ARHGAP6: variants seen among roughly 807,000 people sequenced by gnomAD.
ARHGAP6 encodes the protein Rho GTPase activating protein 6.
A neutral mutation model predicts 55.7 loss-of-function variants in ARHGAP6; 16 were observed. The observed-to-expected ratio is 0.29, with a 90% confidence interval of 0.19 to 0.44. The LOEUF (loss-of-function observed/expected upper bound fraction) is 0.44, where lower values mean the gene tolerates loss of function less well. Ranked by LOEUF, ARHGAP6 falls within the 20% of genes least tolerant of loss-of-function variation. The pLI, the probability that ARHGAP6 is intolerant of heterozygous loss-of-function variation, is 1.00. For missense variants in ARHGAP6, 698 were observed against 808.9 expected (o/e 0.86, Z 1.66); for synonymous variants, 382 against 360.9 (o/e 1.06, Z -0.66).
intron 2 of ARHGAP6, among the ~76,000 whole-genome samples, chrX:11,207,374 G>T: frequency 9.0e-6 from 1 of 111,661 alleles, no homozygotes; most frequent in Non-Finnish European, 1.9e-5. Context: ...TGTTGTCCAT[G>T]AAACTTGGTG....
At chrX:11,239,584 G>A (rs2047247169) in intron 2 of ARHGAP6, among the ~76,000 whole-genome samples, 1 of 111,578 alleles carries the variant, frequency 9.0e-6, no homozygotes, top group Non-Finnish European at 1.9e-5. Context: ...TTGTTTTTAT[G>A]GGGCTGGTGA....
At chrX:11,190,633 A>G (rs2046446108) in intron 3 of ARHGAP6, among the ~76,000 whole-genome samples, 1 of 110,156 alleles carries the variant, frequency 9.1e-6, no homozygotes, top group Non-Finnish European at 1.9e-5. Flanking sequence ...GCTACATGAA[A>G]TAACAGAAAC....
chrX:11,522,483 C>T (rs756366133), intron 1 of ARHGAP6, among the ~76,000 whole-genome samples: 145 of 110,407 alleles, frequency 1.3e-3, no homozygotes, highest in African/African-American at 4.4e-3. Flanking sequence ...ATCGATAGAC[C>T]GCTAGCAAGA....
intron 1 of ARHGAP6, among the ~76,000 whole-genome samples, chrX:11,305,940 T>C (rs2048233340): frequency 8.9e-6 from 1 of 111,990 alleles, no homozygotes; most frequent in African/African-American, 3.3e-5. Context: ...GCTGAGAATA[T>C]CTGACAGACC....
intron 1 of ARHGAP6, among the ~76,000 whole-genome samples, chrX:11,638,824 A>G (rs1464450358): frequency 8.9e-6 from 1 of 112,378 alleles, no homozygotes; most frequent in African/African-American, 3.2e-5. Context: ...TTTTTAAATA[A>G]GTGTATTCAC....
At chrX:11,213,056 A>T (rs1255009517) in intron 2 of ARHGAP6, among the ~76,000 whole-genome samples, 1 of 112,557 alleles carries the variant, frequency 8.9e-6, no homozygotes, top group African/African-American at 3.2e-5. Context: ...TGTTCCCACA[A>T]TATTCCAGCT....
At chrX:11,556,423 T>C (rs1215741399) in intron 1 of ARHGAP6, among the ~76,000 whole-genome samples, 1 of 112,239 alleles carries the variant, frequency 8.9e-6, no homozygotes, top group East Asian at 2.8e-4. Flanking sequence ...GGCCAGGCTA[T>C]GTGCCAGTGC....
intron 1 of ARHGAP6, among the ~76,000 whole-genome samples, chrX:11,559,376 C>T (rs878890929): frequency 9.0e-6 from 1 of 111,051 alleles, no homozygotes; most frequent in Admixed American, 9.6e-5. Flanking sequence ...TCCTTGTTAT[C>T]CTTCAAAATG....
chrX:11,556,568 A>G (rs1004403363), intron 1 of ARHGAP6, among the ~76,000 whole-genome samples: 4 of 112,018 alleles, frequency 3.6e-5, no homozygotes, highest in African/African-American at 1.3e-4. Flanking sequence ...TCAAAACCAG[A>G]CTTACAGTTT....
chrX:11,330,610 C>T (rs1167507504), intron 1 of ARHGAP6, among the ~76,000 whole-genome samples: 1 of 111,077 alleles, frequency 9.0e-6, no homozygotes, highest in East Asian at 2.8e-4. Flanking sequence ...CTGAGGGCTT[C>T]GTTTGTGCCA....
chrX:11,657,419 G>A (rs1345924228), intron 1 of ARHGAP6, among the ~76,000 whole-genome samples: 1 of 108,638 alleles, frequency 9.2e-6, no homozygotes, highest in Non-Finnish European at 1.9e-5. Flanking sequence ...TGCAGCGTTC[G>A]AAAACTTATG....
At chrX:11,307,208 T>C (rs2048247312) in intron 1 of ARHGAP6, among the ~76,000 whole-genome samples, 1 of 110,901 alleles carries the variant, frequency 9.0e-6, no homozygotes, top group East Asian at 2.8e-4. Flanking sequence ...GACAGCCCAC[T>C]GAACACACAC....
At chrX:11,558,374 T>C (rs925395178) in intron 1 of ARHGAP6, among the ~76,000 whole-genome samples, 7 of 111,724 alleles carry the variant, frequency 6.3e-5, no homozygotes, top group Non-Finnish European at 1.3e-4. Context: ...CCAAGGAACA[T>C]TGAGGATGCA....
intron 1 of ARHGAP6, among the ~76,000 whole-genome samples, chrX:11,652,916 T>C (rs1054052256): frequency 8.9e-6 from 1 of 111,902 alleles, no homozygotes; most frequent in Non-Finnish European, 1.9e-5. Context: ...CTAAAATCAG[T>C]CTAGAAATGC....
intron 1 of ARHGAP6, among the ~76,000 whole-genome samples, chrX:11,467,992 G>GAATA (rs1199877737): frequency 0.017 from 668 of 39,670 alleles, 7 homozygotes; most frequent in Middle Eastern, 0.072. Flanking sequence ...ATGAATGAAT[G>GAATA]AATAAATAAA....
At chrX:11,276,250 C>T (rs2047764017) in intron 1 of ARHGAP6, among the ~76,000 whole-genome samples, 3 of 111,499 alleles carry the variant, frequency 2.7e-5, no homozygotes, top group Admixed American at 1.9e-4. Context: ...ATTTTCTTGA[C>T]TCTTATTTAA....
intron 1 of ARHGAP6, among the ~76,000 whole-genome samples, chrX:11,392,541 A>G (rs1057158047): frequency 5.4e-5 from 6 of 112,034 alleles, no homozygotes; most frequent in Non-Finnish European, 1.1e-4. Context: ...AAGAAAAATA[A>G]TGACCTTATT....
chrX:11,661,162 C>T (rs953148639), intron 1 of ARHGAP6, among the ~76,000 whole-genome samples: 1 of 112,663 alleles, frequency 8.9e-6, no homozygotes, highest in African/African-American at 3.2e-5. Flanking sequence ...CTCTGATCCA[C>T]AAGAATTAGG....
chrX:11,567,944 C>A (rs2051465204), intron 1 of ARHGAP6, among the ~76,000 whole-genome samples: 1 of 111,641 alleles, frequency 9.0e-6, no homozygotes, highest in African/African-American at 3.3e-5. Flanking sequence ...TCCCAAAACA[C>A]TGGAATTATA....
Sources: allele counts gnomAD v4.1 joint callset (sites outside exome capture counted in the v4.1 genomes callset), GRCh38; gene constraint gnomAD v4.1.1; transcripts MANE v1.5; gene names NCBI Gene and HGNC (gene_info 2026-07-23, HGNC 2026-07-21).